Variants in SNX25 observed in about 807,000 individuals in gnomAD.
SNX25 encodes sorting nexin-25.
Under a neutral mutation model 113.7 loss-of-function variants are expected in SNX25, and 62 were observed. The observed-to-expected ratio is 0.55, with a 90% CI of 0.44 to 0.67. The LOEUF is 0.67. Ranked by LOEUF, SNX25 falls within the 30% of genes least tolerant of loss-of-function variation. The pLI, the probability that SNX25 is intolerant of heterozygous loss-of-function variation, is 0.00. For synonymous variants in SNX25, 421 were observed against 436.2 expected, an observed-to-expected ratio of 0.97 and a Z score of 0.43; for missense variants, 1,014 against 1,161.0, an observed-to-expected ratio of 0.87 and a Z score of 1.84.
chr4:185,220,011 G>C (rs527701490), intron 1 of SNX25, among the ~76,000 whole-genome samples: 32 of 148,058 alleles, frequency 2.2e-4, no homozygotes, highest in Non-Finnish European at 3.4e-4. Context: ...TCCCAGATTT[G>C]CATTTGGGTC....
intron 7 of SNX25, among the ~76,000 whole-genome samples, chr4:185,315,728 G>GA (rs141516004): frequency 0.018 from 2,772 of 150,654 alleles, 79 homozygotes; most frequent in African/African-American, 0.064. Context: ...CAAACCAGAG[G>GA]AAAAAAAAAC....
In SNX25 at chr4:185,214,290, C is replaced by G. The variant is rs867564851; in HGVS notation, c.429+4035C>G. On this transcript the variant is annotated intron_variant, in intron 1 of 18. Coordinates refer to ENST00000652585, the MANE Select transcript of SNX25 (RefSeq NM_001378034.2). ...AAGTTGGGTGTCCTGGGCATGGTGA[C>G]ATACACCTTTAATCCCAGTGCCTTG... Among the ~76,000 whole-genome samples the G allele has an allele frequency of 2.7e-5, 4 of 150,296 alleles. No individual in the cohort carries two copies. The Middle Eastern group carries it at 0.014, about 518-fold the overall frequency.
intron 1 of SNX25, among the ~76,000 whole-genome samples, chr4:185,211,540 T>C (rs2111470084): frequency 6.6e-6 from 1 of 152,348 alleles, no homozygotes; most frequent in Non-Finnish European, 1.5e-5. Context: ...AAAATATGTC[T>C]TAGTTCTTGA....
At chr4:185,221,526 C>T (rs963514408) in intron 1 of SNX25, among the ~76,000 whole-genome samples, 1 of 152,074 alleles carries the variant, frequency 6.6e-6, no homozygotes, top group Non-Finnish European at 1.5e-5. Flanking sequence ...GTCTTAGCTA[C>T]CGTCATGTCC....
At chr4:185,270,362 T>C (rs986177015) in intron 5 of SNX25, among the ~76,000 whole-genome samples, 2 of 152,336 alleles carry the variant, frequency 1.3e-5, no homozygotes, top group South Asian at 4.1e-4. Context: ...AAAAATAGTG[T>C]GAGCCCTTAA....
rs566150950 is a variant in SNX25, at chr4:185,339,316, A to G, written c.1915-63A>G. The G allele has an allele frequency of 4.0e-6, 6 of 1,490,872 alleles. No homozygotes were observed. The South Asian group carries it at 4.7e-5, about 12-fold the overall frequency. 92.4% of individuals were successfully genotyped at this position (1,490,872 alleles called of 1,614,324 possible). On this transcript the variant is annotated intron_variant, in intron 10 of 18. Transcript: ENST00000652585. ...TTGTGTGTTGACTTTGAATCCTGCT[A>G]CTTTGCTGAATTGCATAGTTTTAAG...
At chr4:185,229,381 T>C (rs1172594692) in intron 1 of SNX25, among the ~76,000 whole-genome samples, 1 of 152,078 alleles carries the variant, frequency 6.6e-6, no homozygotes, top group African/African-American at 2.4e-5. Flanking sequence ...GGAGTGGAGA[T>C]GAGGGTTGCT....
At chr4:185,216,513 G>GTTT (rs34410263) in intron 1 of SNX25, among the ~76,000 whole-genome samples, 32 of 96,714 alleles carry the variant, frequency 3.3e-4, no homozygotes, top group African/African-American at 4.3e-4. Context: ...TGTGTATTTG[G>GTTT]TTTTTTTTTT....
At chr4:185,362,769 G>C (rs2095371076) in intron 18 of SNX25, 58 bp downstream of exon 18, 8 of 1,436,040 alleles carry the variant, frequency 5.6e-6, no homozygotes, top group Non-Finnish European at 7.8e-6. Context: ...TTCTTCGTTT[G>C]GTCAGAAAAA....
At chr4:185,326,223 C>T (rs538417770) in intron 9 of SNX25, among the ~76,000 whole-genome samples, 8 of 152,236 alleles carry the variant, frequency 5.3e-5, no homozygotes, top group South Asian at 4.1e-4. Flanking sequence ...TTAAGCAAAA[C>T]GTCAGAAAGG....
At position 185,250,059 on chromosome 4, in the gene SNX25, A is replaced by G. The variant is rs1029495027; in HGVS notation, c.514+2681A>G. On this transcript the variant is annotated intron_variant, in intron 2 of 18. Coordinates refer to ENST00000652585, the MANE Select transcript of SNX25 (RefSeq NM_001378034.2). Reference sequence around the variant, plus strand: ...GTGGATGCTGCTTTTTAGACATTCTAGATTCTTTTATCTTCCTCTGAAGAG... The same window carrying G: ...GTGGATGCTGCTTTTTAGACATTCTGGATTCTTTTATCTTCCTCTGAAGAG... 1.6e-3 allele frequency among the ~76,000 whole-genome samples: 250 copies of G among 152,208 alleles called. 1 individual carries two copies. Among genetic ancestry groups the G allele is most frequent in the African/African-American group, 5.8e-3 (241 of 41,524 alleles).
At chr4:185,376,691 C>T in the SNX25 span, among the ~76,000 whole-genome samples, 1 of 151,946 alleles carries the variant, frequency 6.6e-6, no homozygotes, top group Non-Finnish European at 1.5e-5. Flanking sequence ...AAAACGACTC[C>T]CATAAATGGC....
intron 1 of SNX25, among the ~76,000 whole-genome samples, chr4:185,211,344 C>T (rs969969743): frequency 1.3e-5 from 2 of 152,218 alleles, no homozygotes; most frequent in Non-Finnish European, 2.9e-5. Context: ...AAGGAGCAGG[C>T]AACTCCTGTT....
chr4:185,367,541 A>G (rs2095393559), downstream of SNX25, among the ~76,000 whole-genome samples: 1 of 152,232 alleles, frequency 6.6e-6, no homozygotes, highest in South Asian at 2.1e-4. Context: ...AAATAAGTAA[A>G]ATGGAGAGCA....
intron 14 of SNX25, among the ~76,000 whole-genome samples, chr4:185,351,910 G>C (rs1392013917): frequency 6.7e-6 from 1 of 150,072 alleles, no homozygotes; most frequent in Non-Finnish European, 1.5e-5. Flanking sequence ...TCATTGCGGG[G>C]TGGGGGGGTT....
chr4:185,339,331 A>C, intron 10 of SNX25, 48 bp from the exon 11 acceptor site: 1 of 1,579,032 alleles, frequency 6.3e-7, no homozygotes, highest in South Asian at 1.1e-5. Flanking sequence ...GCTGAATTGC[A>C]TAGTTTTAAG....
At chr4:185,250,910 A>G (rs1335132767) in intron 2 of SNX25, among the ~76,000 whole-genome samples, 3 of 152,122 alleles carry the variant, frequency 2.0e-5, no homozygotes, top group African/African-American at 7.2e-5. Context: ...CCTTAATATT[A>G]AAAAAATTTT....
chr4:185,323,476 T>G, intron 8 of SNX25, 52 bp from the exon 9 acceptor site: 3 of 1,515,014 alleles, frequency 2.0e-6, no homozygotes, highest in Non-Finnish European at 2.7e-6. Flanking sequence ...AGAAAAATAA[T>G]TTCTCTCAGA....
intron 1 of SNX25, among the ~76,000 whole-genome samples, chr4:185,222,455 A>AGG (rs1447031734): frequency 2.0e-5 from 3 of 151,340 alleles, no homozygotes; most frequent in Admixed American, 6.6e-5. Context: ...CCCTCGCGGT[A>AGG]GGTATTCAGC....
Sources: allele counts gnomAD v4.1 joint callset (sites outside exome capture counted in the v4.1 genomes callset), GRCh38; gene constraint gnomAD v4.1.1; transcripts MANE v1.5; gene names NCBI Gene and HGNC (gene_info 2026-07-23, HGNC 2026-07-21).